Variants in F9 observed in about 807,000 individuals in gnomAD.
The protein encoded by F9 is coagulation factor IX.
F9 carries 2 observed loss-of-function variants against 34.1 expected under a neutral mutation model. The ratio of observed to expected loss-of-function variants is 0.06; its 90% CI spans 0.02 to 0.18. The LOEUF is 0.18. Among genes scored for constraint, F9 ranks in the 10% least tolerant of loss-of-function variants. The pLI, the probability that F9 is intolerant of heterozygous loss-of-function variation, is 1.00. For synonymous variants in F9, 137 were observed against 118.8 expected (o/e 1.15, Z -1.00); for missense variants, 216 against 345.1 (o/e 0.63, Z 2.96).
chrX:139,531,200 AT>A (rs1927338023), intron 1 of F9, among the ~76,000 whole-genome samples: 3 of 112,130 alleles, frequency 2.7e-5, no homozygotes, highest in South Asian at 7.5e-4. Flanking sequence ...GTGAAAAAAA[AT>A]AACCACATTA....
In F9 at chrX:139,562,919, GTAGACACACACGCATACA is replaced by G. The variant is rs1308377446; in HGVS notation, c.*849_*866del. On this transcript the variant is annotated 3_prime_UTR_variant, in exon 8 of 8. Coordinates refer to ENST00000218099, the MANE Select transcript of F9 (RefSeq NM_000133.4). ...ATATAGTGTGTGTGTATGCGTGTGT[GTAGACACACACGCATACA>G]CACATATAATGGAAGCAATAAGCCA... 1 of 100,106 alleles carries G rather than the reference GTAGACACACACGCATACA, an allele frequency of 1.0e-5. No individual in the cohort carries two copies. Among genetic ancestry groups the G allele is most frequent in the Non-Finnish European group, 2.0e-5 (1 of 49,999 alleles). 8.2% of individuals were successfully genotyped at this position (100,106 alleles called of 1,213,427 possible).
At chrX:139,560,932 G>C in intron 7 of F9, 77 bp downstream of exon 7, 1 of 819,598 alleles carries the variant, frequency 1.2e-6, no homozygotes, top group African/African-American at 2.0e-5. Flanking sequence ...TTTTACTAAG[G>C]TCTAATAAAA....
intron 5 of F9, among the ~76,000 whole-genome samples, 171 bp from the exon 6 acceptor site, chrX:139,550,891 C>T (rs893397544): frequency 4.5e-5 from 5 of 111,829 alleles, no homozygotes; most frequent in East Asian, 2.8e-4. Flanking sequence ...ATGAAAATAA[C>T]GCAATCAACC....
chrX:139,559,382 A>T (rs763151896), intron 6 of F9, among the ~76,000 whole-genome samples: 1 of 111,867 alleles, frequency 8.9e-6, no homozygotes, highest in Non-Finnish European at 1.9e-5. Flanking sequence ...GTGAAACCCC[A>T]TCTCTACTAA....
At chrX:139,557,962 A>T (rs1179829671) in intron 6 of F9, among the ~76,000 whole-genome samples, 1 of 111,562 alleles carries the variant, frequency 9.0e-6, no homozygotes. Flanking sequence ...TCGACCTCCC[A>T]CTCCCCTACC....
intron 6 of F9, among the ~76,000 whole-genome samples, chrX:139,553,101 T>C (rs1365991326): frequency 8.9e-6 from 1 of 112,079 alleles, no homozygotes; most frequent in Non-Finnish European, 1.9e-5. Context: ...TTTCCCTTTC[T>C]TTTACCTTTG....
At chrX:139,532,782 G>A (rs4149664) in intron 1 of F9, among the ~76,000 whole-genome samples, 2,794 of 111,921 alleles carry the variant, frequency 0.025, 90 homozygotes, top group African/African-American at 0.085. Flanking sequence ...AGGATCACTC[G>A]TGCAAAGACT....
At chrX:139,553,740 G>A (rs1158359071) in intron 6 of F9, among the ~76,000 whole-genome samples, 2 of 103,215 alleles carry the variant, frequency 1.9e-5, no homozygotes, top group Non-Finnish European at 3.9e-5. Context: ...GTGAACCGGG[G>A]AGGCGGAGCT....
chrX:139,559,326 G>A (rs373934499), intron 6 of F9, among the ~76,000 whole-genome samples: 2 of 112,503 alleles, frequency 1.8e-5, no homozygotes, highest in South Asian at 3.6e-4. Flanking sequence ...AGGCCAAGGC[G>A]GGCGGATCAC....
At chrX:139,548,866 G>A (rs180819571) in intron 5 of F9, among the ~76,000 whole-genome samples, 114 of 111,856 alleles carry the variant, frequency 1.0e-3, no homozygotes, top group South Asian at 6.0e-3. Context: ...GTATAAGGAC[G>A]GTAAGTTTGA....
chrX:139,540,926 G>A, intron 3 of F9, 150 bp from the exon 4 acceptor site: 1 of 366,006 alleles, frequency 2.7e-6, no homozygotes, highest in South Asian at 3.3e-5. Flanking sequence ...GAAGACAGGA[G>A]CATCATATGC....
chrX:139,537,316 A>G (rs771081593), intron 2 of F9, 46 bp from the exon 3 acceptor site: 1 of 1,145,878 alleles, frequency 8.7e-7, no homozygotes, highest in East Asian at 3.0e-5. Flanking sequence ...CAATACCAAA[A>G]CACTTTAGAT....
chrX:139,546,020 C>T (rs1927708472), intron 4 of F9, among the ~76,000 whole-genome samples: 1 of 111,006 alleles, frequency 9.0e-6, no homozygotes, highest in Non-Finnish European at 1.9e-5. Context: ...TATTACATGA[C>T]GCAGATATTC....
chrX:139,551,689 G>A (rs751587576), intron 6 of F9, among the ~76,000 whole-genome samples: 26 of 111,146 alleles, frequency 2.3e-4, no homozygotes, highest in African/African-American at 7.5e-4. Flanking sequence ...AAGGATTAAG[G>A]CAAGAACTAG....
chrX:139,557,014 T>G (rs760670673), intron 6 of F9, among the ~76,000 whole-genome samples: 1 of 112,392 alleles, frequency 8.9e-6, no homozygotes, highest in East Asian at 2.8e-4. Context: ...GAGCTGTTGT[T>G]CTGGGCTGGC....
Position 139,560,737 on chromosome X carries a change from A to G in F9, c.724-4A>G, listed in dbSNP as rs755261990. The stretch of plus-strand genomic sequence containing the variant: ...CAGTAAGAGTCTTAATTTTGTTTTC[A>G]CAGGTTGTTTTGAATGGTAAAGTTG... On this transcript the variant is annotated splice_region_variant and splice_polypyrimidine_tract_variant and intron_variant, in intron 6 of 7. Transcript: ENST00000218099. The G allele has an allele frequency of 7.7e-6, 9 of 1,174,847 alleles. No homozygotes were observed. The highest frequency in any genetic ancestry group is 1.0e-5 in the Non-Finnish European group (9 of 863,483).
At chrX:139,535,635 A>T (rs1419123007) in intron 1 of F9, among the ~76,000 whole-genome samples, 1 of 111,200 alleles carries the variant, frequency 9.0e-6, no homozygotes, top group Non-Finnish European at 1.9e-5. Context: ...TCCTCTTGAG[A>T]TGGTATCAGA....
chrX:139,535,413 GC>G (rs1196459981), intron 1 of F9, among the ~76,000 whole-genome samples: 1 of 111,467 alleles, frequency 9.0e-6, no homozygotes, highest in Non-Finnish European at 1.9e-5. Flanking sequence ...AAAAAAGTGA[GC>G]CCAAAAGGAA....
intron 6 of F9, among the ~76,000 whole-genome samples, chrX:139,558,408 C>T (rs1319329076): frequency 1.8e-5 from 2 of 113,551 alleles, no homozygotes; most frequent in Admixed American, 1.8e-4. Context: ...GGCTGGCAGG[C>T]AGGGGATCCT....
Sources: gnomAD v4.1 joint callset for allele counts (sites outside exome capture counted in the v4.1 genomes callset) on GRCh38, gnomAD v4.1.1 for gene constraint, MANE v1.5 for transcripts, NCBI Gene and HGNC (gene_info 2026-07-23, HGNC 2026-07-21) for gene names.